The following POMT1 variants were observed in gnomAD, a reference collection of about 807,000 sequenced individuals.
POMT1 encodes protein O-mannosyltransferase 1.
In POMT1, 85 loss-of-function variants were observed where a neutral mutation model predicts 101.6. The observed-to-expected ratio is 0.84, with a 90% confidence interval of 0.70 to 1.00. The LOEUF (loss-of-function observed/expected upper bound fraction) is 1.00. Ranked by LOEUF, POMT1 falls within the 50% of genes least tolerant of loss-of-function variation. The pLI is 0.00. For synonymous variants in POMT1, 371 were observed against 383.0 expected (o/e 0.97, Z 0.37); for missense variants, 857 against 930.4 (o/e 0.92, Z 1.03).
chr9:131,506,785 T>TAG (rs1456772515), intron 4 of POMT1: 1 of 379,200 alleles, frequency 2.6e-6, no homozygotes, highest in Non-Finnish European at 5.0e-6. Context: ...ATAGGGAGGG[T>TAG]AGGCCGGGCG....
rs1303892926 is a variant in POMT1 at position 131,519,833 on chromosome 9, G to A, written c.1585-247G>A. 6.6e-6 allele frequency among the ~76,000 whole-genome samples: 1 copy of A among 152,176 alleles called. No individual in the cohort carries two copies. The highest frequency in any genetic ancestry group is 1.5e-5 in the Non-Finnish European group (1 of 68,028). ...ACAAATCTGAACGTGACCTTAGAGA[G>A]CATTCAGCCCAATCACTTCGTCTAC... On this transcript the variant is annotated intron_variant, in intron 16 of 19. Coordinates refer to ENST00000402686, the MANE Select transcript of POMT1 (RefSeq NM_001077365.2). The surrounding 1 kb of genome is among the most constrained non-coding windows in gnomAD (Gnocchi z 4.3).
intron 12 of POMT1, among the ~76,000 whole-genome samples, chr9:131,514,556 G>C (rs1475415930): frequency 6.6e-6 from 1 of 152,264 alleles, no homozygotes; most frequent in Non-Finnish European, 1.5e-5. Context: ...GTTTCCCAGA[G>C]GGCTGTGAGG....
rs567347397 is a variant in POMT1, at chr9:131,504,072, T to C, written c.-30-117T>C. 1.1e-5 allele frequency: 14 copies of C among 1,275,580 alleles called. No homozygotes were observed. The East Asian group carries it at 2.6e-4, about 24-fold the overall frequency. The allele number at this position is 1,275,580 out of a possible 1,614,324, so 79.0% of individuals were successfully genotyped here. A position where few individuals can be genotyped will look rare whatever the true frequency, so the allele number is the denominator to read the frequency against. ...AAGGCTCCAGGAACTTCGGTCTTTC[T>C]CAGCAGCCCGGCTGTGCTGTGGTTC... On this transcript the variant is annotated intron_variant, in intron 1 of 19. Coordinates refer to ENST00000402686, the MANE Select transcript of POMT1 (RefSeq NM_001077365.2).
chr9:131,521,897 G>A, intron 18 of POMT1, 150 bp from the exon 19 acceptor site: 2 of 1,453,566 alleles, frequency 1.4e-6, no homozygotes, highest in Admixed American at 1.9e-5. Context: ...AGCACTTTGG[G>A]AGGCCAAAGT....
chr9:131,508,804 A>G, intron 5 of POMT1, 107 bp from the exon 6 acceptor site: 1 of 777,268 alleles, frequency 1.3e-6, no homozygotes. Context: ...ACAGCCCCAC[A>G]CAGTTGTATC....
rs1441550686 is a variant in POMT1, at chr9:131,522,845, C to T, written c.2004-87C>T. On this transcript the variant is annotated intron_variant, in intron 19 of 19. Coordinates refer to ENST00000402686, the MANE Select transcript of POMT1 (RefSeq NM_001077365.2). This position sits in a 1 kb window ranked among gnomAD's most constrained non-coding sequence, Gnocchi z 5.5. ...AGAACCCCAGGCCTCGGGGGGTGAC[C>T]GTGTGGACAGCAGATGCCAAGAGGG... 1.7e-5 allele frequency: 23 copies of T among 1,365,934 alleles called. No homozygotes were observed. Among genetic ancestry groups the T allele is most frequent in the South Asian group, 6.2e-5 (5 of 80,324 alleles). The allele number at this position is 1,365,934 out of a possible 1,614,324, so 84.6% of individuals were successfully genotyped here.
chr9:131,507,560 A>G, intron 5 of POMT1, 46 bp downstream of exon 5: 1 of 1,611,916 alleles, frequency 6.2e-7, no homozygotes, highest in Non-Finnish European at 8.5e-7. Context: ...GCAGGGAAGA[A>G]CTGACCCTTT....
chr9:131,522,828 A>G lies in POMT1; in HGVS notation c.2004-104A>G. 8.1e-7 allele frequency: 1 copy of G among 1,237,506 alleles called. No individual in the cohort carries two copies. Among genetic ancestry groups the G allele is most frequent in the Non-Finnish European group, 1.1e-6 (1 of 877,586 alleles). The allele number at this position is 1,237,506 out of a possible 1,614,324, so 76.7% of individuals were successfully genotyped here. ...CACAGAAACCTGAAGGCAGAACCCC[A>G]GGCCTCGGGGGGTGACCGTGTGGAC... On this transcript the variant is annotated intron_variant, in intron 19 of 19. Coordinates refer to ENST00000402686, the MANE Select transcript of POMT1 (RefSeq NM_001077365.2). This position sits in a 1 kb window ranked among gnomAD's most constrained non-coding sequence, Gnocchi z 5.5.
rs749853448 is a variant in POMT1 at position 131,512,117 on chromosome 9, A to G, written c.1063A>G (p.Ile355Val). Residue 355 changes from isoleucine to valine, a missense_variant, in exon 11 of 20, where the codon ATT (isoleucine) becomes GTT (valine). By Grantham distance (29) the Ile-to-Val change is conservative. Transcript: ENST00000402686. The stretch of plus-strand genomic sequence containing the variant: ...CTTCAAAGATGTCAATAACTGGTGG[A>G]TTGTAAAGGATCCCAGGAGGTGAGT... ...YPFKDVNNWW[I>V]VKDPRRHQLV... 5.0e-6 allele frequency: 8 copies of G among 1,614,034 alleles called. No individual in the cohort carries two copies. Among genetic ancestry groups the G allele is most frequent in the Non-Finnish European group, 6.8e-6 (8 of 1,179,984 alleles).
rs115818625 is a variant in POMT1, at chr9:131,523,131, C to T, written c.*25C>T. The stretch of plus-strand genomic sequence containing the variant: ...GAACAAGAGTGTGGCAAAGAACACC[C>T]GTGCTGGGGTCGGGATGAGGTTGAA... On this transcript the variant is annotated 3_prime_UTR_variant, in exon 20 of 20. Transcript: ENST00000402686. 5.8e-4 allele frequency: 935 copies of T among 1,607,416 alleles called. No individual in the cohort carries two copies. The African/African-American group carries it at 8.1e-3, about 14-fold the overall frequency.
chr9:131,516,036 T>G (rs1948425958), intron 13 of POMT1, among the ~76,000 whole-genome samples: 1 of 82,842 alleles, frequency 1.2e-5, no homozygotes, highest in Non-Finnish European at 2.4e-5. Context: ...ACGGAGCACT[T>G]CCTCACACGG....
chr9:131,518,051 A>G (rs1243031644), intron 13 of POMT1, among the ~76,000 whole-genome samples: 1 of 152,250 alleles, frequency 6.6e-6, no homozygotes, highest in Non-Finnish European at 1.5e-5. Flanking sequence ...TGTGTCTGGC[A>G]GGGACAGTGT....
At position 131,523,752 on chromosome 9, in the gene POMT1, C is replaced by A. The variant is rs1227234068; in HGVS notation, c.*646C>A. The A allele has an allele frequency of 6.5e-6, 1 of 153,956 alleles. No individual in the cohort carries two copies. Among genetic ancestry groups the A allele is most frequent in the African/African-American group, 2.4e-5 (1 of 41,464 alleles). The allele number at this position is 153,956 out of a possible 1,614,324, so 9.5% of individuals were successfully genotyped here. A position where few individuals can be genotyped will look rare whatever the true frequency, so the allele number is the denominator to read the frequency against. ...GTCAAGGTGTGTCATCCATACAGCT[C>A]CATGCCTTTGTCTTTTTTAAATGTA... On this transcript the variant is annotated 3_prime_UTR_variant, in exon 20 of 20. Transcript: ENST00000402686.
intron 4 of POMT1, 114 bp downstream of exon 4, chr9:131,506,567 C>A: frequency 1.0e-6 from 1 of 961,908 alleles, no homozygotes; most frequent in Non-Finnish European, 1.7e-6. Context: ...CCTAGTCCCA[C>A]AGAAACTGTG....
Position 131,503,249 on chromosome 9 carries a change from A to C in POMT1, c.-31+176A>C, listed in dbSNP as rs1462299893. Reference sequence around the variant, plus strand: ...GCGGCGTTCGGGCGGCCGAGCCCCGAAGTAAGAACTCCGTGGCGCGTGCAG... The same window carrying C: ...GCGGCGTTCGGGCGGCCGAGCCCCGCAGTAAGAACTCCGTGGCGCGTGCAG... On this transcript the variant is annotated intron_variant, in intron 1 of 19. Transcript: ENST00000402686. This position sits in a 1 kb window ranked among gnomAD's most constrained non-coding sequence, Gnocchi z 4.4. The C allele has an allele frequency of 6.6e-6, 1 of 152,054 alleles. No individual in the cohort carries two copies. The highest frequency in any genetic ancestry group is 1.5e-5 in the Non-Finnish European group (1 of 68,136). 9.4% of individuals were successfully genotyped at this position (152,054 alleles called of 1,614,324 possible).
At chr9:131,510,627 C>A in intron 9 of POMT1, 1 of 654,720 alleles carries the variant, frequency 1.5e-6, no homozygotes, top group Non-Finnish European at 2.6e-6. Flanking sequence ...CCTCAGCCTC[C>A]CAAGTAGCTG....
chr9:131,510,051 A>G, intron 8 of POMT1, 55 bp downstream of exon 8: 1 of 1,614,036 alleles, frequency 6.2e-7, no homozygotes, highest in Non-Finnish European at 8.5e-7. Flanking sequence ...GCAGATGCAG[A>G]TGTCACAGGG....
chr9:131,506,449 A>G lies in POMT1; in HGVS notation c.276A>G (p.Gly92=), dbSNP rs1463935696. 3 of 1,609,958 alleles carry G rather than the reference A, an allele frequency of 1.9e-6. No homozygotes were observed. The highest frequency in any genetic ancestry group is 1.3e-5 in the African/African-American group (1 of 74,944). ...GCAATTTTTTGTGGAACAGAATTGG[A>G]GCAGGTAAAAGATAATTTTCATTTC... The part of the protein sequence containing the change: ...FDGNFLWNRI[G]AEYSSNVPVW... The change falls in exon 4 of 20, where the codon GGA becomes GGG. Residue 92 remains glycine (G), a synonymous_variant. Coordinates refer to ENST00000402686, the MANE Select transcript of POMT1 (RefSeq NM_001077365.2).
chr9:131,505,514 G>A (rs1461599170), intron 2 of POMT1, among the ~76,000 whole-genome samples: 1 of 151,890 alleles, frequency 6.6e-6, no homozygotes, highest in Admixed American at 6.6e-5. Context: ...ACCTACCTTG[G>A]CCTCCCAAAG....
Sources: allele counts gnomAD v4.1 joint callset (sites outside exome capture counted in the v4.1 genomes callset), GRCh38; gene constraint gnomAD v4.1.1; non-coding constraint Gnocchi (gnomAD v3.1); transcripts MANE v1.5; gene names NCBI Gene and HGNC (gene_info 2026-07-23, HGNC 2026-07-21).